CCDC180: variants seen among roughly 807,000 people sequenced by gnomAD.
CCDC180 encodes coiled-coil domain containing 180.
CCDC180 carries 154 observed loss-of-function variants against 209.2 expected under a neutral mutation model. The observed-to-expected ratio is 0.74, with a 90% CI of 0.65 to 0.84. The LOEUF (loss-of-function observed/expected upper bound fraction) is 0.84, where lower values mean the gene tolerates loss of function less well. Among genes scored for constraint, CCDC180 ranks in the 40% least tolerant of loss-of-function variants. The pLI is 0.00. For synonymous variants in CCDC180, 778 were observed against 749.1 expected, an observed-to-expected ratio of 1.04 and a Z score of -0.63; for missense variants, 1,874 against 1,997.3, an observed-to-expected ratio of 0.94 and a Z score of 1.18.
intron 21 of CCDC180, among the ~76,000 whole-genome samples, chr9:97,350,122 A>G (rs1490066566): frequency 6.6e-6 from 1 of 152,030 alleles, no homozygotes; most frequent in Admixed American, 6.5e-5. Context: ...ATAGACTCCC[A>G]GGTTGTCCTC....
At chr9:97,338,742 A>G (rs1695210223) in intron 18 of CCDC180, among the ~76,000 whole-genome samples, 1 of 151,194 alleles carries the variant, frequency 6.6e-6, no homozygotes, top group African/African-American at 2.4e-5. Context: ...TTGTTGATCT[A>G]ATATAGACAG....
chr9:97,370,514 C>T lies in CCDC180; in HGVS notation c.4351-127C>T, dbSNP rs1395276019. ...AACCCCTCTGCCACTCTTCTGCCCACCCATCACCCCCACACACCCAGGTCA... is the reference window on the plus strand; with the variant it reads ...AACCCCTCTGCCACTCTTCTGCCCATCCATCACCCCCACACACCCAGGTCA... On this transcript the variant is annotated intron_variant, in intron 32 of 36. Coordinates refer to ENST00000529487, the MANE Select transcript of CCDC180 (RefSeq NM_020893.6). 5.6e-6 allele frequency: 6 copies of T among 1,071,780 alleles called. No individual in the cohort carries two copies. In the African/African-American group the frequency reaches 6.3e-5, roughly 11 times the overall value. 66.4% of individuals were successfully genotyped at this position (1,071,780 alleles called of 1,614,324 possible).
At position 97,347,407 on chromosome 9, in the gene CCDC180, G is replaced by C. The variant is rs749290598; in HGVS notation, c.2592G>C (p.Leu864=). The change falls in exon 20 of 37, where the codon CTG becomes CTC. Residue 864 remains leucine, a synonymous_variant. Transcript: ENST00000529487. The part of the protein sequence containing the change: ...RVTVATKINE[L]DSELELHLHL... ...CCGTGGCCACCAAAATCAATGAGCT[G>C]GATTCAGAACTGGAGCTGCATCTGC... is the stretch of plus-strand genomic sequence containing the variant. 6.5e-7 allele frequency: 1 copy of C among 1,536,112 alleles called. No homozygotes were observed. Among genetic ancestry groups the C allele is most frequent in the East Asian group, 2.4e-5 (1 of 40,922 alleles).
At position 97,352,312 on chromosome 9, in the gene CCDC180, G is replaced by A. The variant is rs866867849; in HGVS notation, c.3002+1757G>A. 1.6e-4 allele frequency among the ~76,000 whole-genome samples: 25 copies of A among 152,236 alleles called. No individual in the cohort carries two copies. The South Asian group carries it at 3.3e-3, about 20-fold the overall frequency. On this transcript the variant is annotated intron_variant, in intron 22 of 36. Coordinates refer to ENST00000529487, the MANE Select transcript of CCDC180 (RefSeq NM_020893.6). ...GAGATGTAGGAAATTTTAGAGGAAG[G>A]GTAAATGATGTTTAGGGGAGATTAA...
At chr9:97,331,690 T>C (rs1038230252) in intron 18 of CCDC180, among the ~76,000 whole-genome samples, 5 of 148,934 alleles carry the variant, frequency 3.4e-5, no homozygotes, top group Non-Finnish European at 5.9e-5. Context: ...GTTGGCCACA[T>C]GTATGTCTAC....
chr9:97,354,981 G>C lies in CCDC180; in HGVS notation c.3237G>C (p.Thr1079=). 1.2e-6 allele frequency: 2 copies of C among 1,612,650 alleles called. No homozygotes were observed. The highest frequency in any genetic ancestry group is 1.7e-6 in the Non-Finnish European group (2 of 1,178,732). ...TAGAGAAAATCCAGCGGTTGCTGACGAATCTGCAAGTGAAAATCAAGTGCC... is the reference window on the plus strand; with the variant it reads ...TAGAGAAAATCCAGCGGTTGCTGACCAATCTGCAAGTGAAAATCAAGTGCC... ...IFIEKIQRLL[T]NLQVKIKCQV... is the part of the protein sequence containing the mutation. Residue 1079 remains threonine (T), a synonymous_variant, in exon 24 of 37, where the codon ACG becomes ACC. Coordinates refer to ENST00000529487, the MANE Select transcript of CCDC180 (RefSeq NM_020893.6).
chr9:97,324,929 G>A (rs3747499), intron 13 of CCDC180, 90 bp from the exon 14 acceptor site: 249,692 of 1,253,226 alleles, frequency 0.2, 26,844 homozygotes, highest in Admixed American at 0.36. Flanking sequence ...CTGTTCAGTC[G>A]TTAGAGACAG....
Position 97,318,680 on chromosome 9 carries a change from C to T in CCDC180, c.1079+98C>T, listed in dbSNP as rs554120756. 5.4e-6 allele frequency: 8 copies of T among 1,493,062 alleles called. No individual in the cohort carries two copies. In the East Asian group the frequency reaches 1.6e-4, roughly 31 times the overall value. The allele number at this position is 1,493,062 out of a possible 1,614,324, so 92.5% of individuals were successfully genotyped here. ...TCTGTCCCCCAAGGCATCCTTCAGA[C>T]TAAGCAGACCAACTCCCAGCTCTCT... is the stretch of plus-strand genomic sequence containing the variant. On this transcript the variant is annotated intron_variant, in intron 10 of 36. Transcript: ENST00000529487.
At chr9:97,307,601 T>A, upstream of CCDC180, 1 of 778,836 alleles carries the variant, frequency 1.3e-6, no homozygotes, top group Admixed American at 2.1e-5. Flanking sequence ...GAGGGTGGAT[T>A]AGGGTCCCGG....
chr9:97,309,577 G>A lies in CCDC180; in HGVS notation c.233G>A (p.Trp78Ter). ...QKWMHSLPND[W>*]IMENPVLHRE... The stretch of plus-strand genomic sequence containing the variant: ...TGGATGCACAGCCTCCCCAACGACT[G>A]GATCATGGAAAACCCTGTTCTCCAC... Residue 78 changes from tryptophan (W) to a stop codon, truncating the protein, a stop_gained, in exon 3 of 37, where the codon TGG becomes TAG. Coordinates refer to ENST00000529487, the MANE Select transcript of CCDC180 (RefSeq NM_020893.6). LOFTEE classifies it high-confidence loss of function. 6.3e-7 allele frequency: 1 copy of A among 1,587,446 alleles called. No individual in the cohort carries two copies. The highest frequency in any genetic ancestry group is 8.6e-7 in the Non-Finnish European group (1 of 1,168,754).
intron 32 of CCDC180, 122 bp from the exon 33 acceptor site, chr9:97,370,519 C>T: frequency 8.9e-7 from 1 of 1,118,642 alleles, no homozygotes; most frequent in Non-Finnish European, 1.3e-6. Context: ...GCCCACCCAT[C>T]ACCCCCACAC....
At chr9:97,361,459 C>G (rs1017145237) in intron 26 of CCDC180, among the ~76,000 whole-genome samples, 17 of 152,166 alleles carry the variant, frequency 1.1e-4, no homozygotes. Flanking sequence ...GCCTCTTGGC[C>G]CCTGTGTTCC....
chr9:97,374,561 A>G lies in CCDC180; in HGVS notation c.4619A>G (p.Gln1540Arg). The change falls in exon 35 of 37, where the codon CAG (glutamine) becomes CGG (arginine). Residue 1540 changes from glutamine (Q) to arginine (R), a missense_variant. By Grantham distance (43) the Gln-to-Arg change is conservative. Coordinates refer to ENST00000529487, the MANE Select transcript of CCDC180 (RefSeq NM_020893.6). Reference sequence around the variant, plus strand: ...CCTCTAGGGATGGAGCCCCCCAAACAGAAATTATCAATGCTCATACGAAGG... The same window carrying G: ...CCTCTAGGGATGGAGCCCCCCAAACGGAAATTATCAATGCTCATACGAAGG... ...VQVARMEPPK[Q>R]KLSMLIRRKL... is the part of the protein sequence containing the mutation. 1 of 1,613,976 alleles carries G rather than the reference A, an allele frequency of 6.2e-7. No homozygotes were observed. Among genetic ancestry groups the G allele is most frequent in the Non-Finnish European group, 8.5e-7 (1 of 1,179,980 alleles).
Position 97,328,084 on chromosome 9 carries a change from G to T in CCDC180, c.1726G>T (p.Glu576Ter), listed in dbSNP as rs1313201713. 4 of 1,613,982 alleles carry T rather than the reference G, an allele frequency of 2.5e-6. No homozygotes were observed. The highest frequency in any genetic ancestry group is 3.4e-6 in the Non-Finnish European group (4 of 1,179,994). Residue 576 changes from glutamate (E) to a stop codon, truncating the protein, a stop_gained, in exon 16 of 37, where the codon GAA becomes TAA. Transcript: ENST00000529487. LOFTEE classifies it high-confidence loss of function. ...GGAGTACCCAGCGATCATGCTGAAA[G>T]AACTCAACTCCTACAGCTCTGCCCT... Reference protein sequence around the residue: ...VMEYPAIMLKELNSYSSALSQ... With the variant: ...VMEYPAIMLK
At position 97,366,671 on chromosome 9, in the gene CCDC180, CAAATA is replaced by C. The variant is rs1196832009; in HGVS notation, c.4162_4166del (p.Asn1388ValfsTer17). The C allele has an allele frequency of 5.0e-6, 8 of 1,614,062 alleles. No homozygotes were observed. The highest frequency in any genetic ancestry group is 6.8e-6 in the Non-Finnish European group (8 of 1,180,040). On this transcript the variant is annotated frameshift_variant, in exon 31 of 37. Transcript: ENST00000529487. LOFTEE classifies it high-confidence loss of function. The surrounding 1 kb of genome is among the most constrained non-coding windows in gnomAD (Gnocchi z 4.3). ...AAGATCCTGGAGTATCAGAGCCAGG[CAAATA>C]AGTACCACAACTCCTGCCTCATAGG...
At chr9:97,368,077 A>C (rs1256917537) in intron 31 of CCDC180, among the ~76,000 whole-genome samples, 1 of 152,108 alleles carries the variant, frequency 6.6e-6, no homozygotes, top group Non-Finnish European at 1.5e-5. Flanking sequence ...TCTCTGGTAA[A>C]CTCACAACTA....
Position 97,354,773 on chromosome 9 carries a change from C to T in CCDC180, c.3147+60C>T. On this transcript the variant is annotated intron_variant, in intron 23 of 36. Coordinates refer to ENST00000529487, the MANE Select transcript of CCDC180 (RefSeq NM_020893.6). ...TCCACAGTATCCCTTGCTCAACTCCCTCTGAAGGGAGGGCCAAGCCCTCCA... is the reference window on the plus strand; with the variant it reads ...TCCACAGTATCCCTTGCTCAACTCCTTCTGAAGGGAGGGCCAAGCCCTCCA... 3.7e-6 allele frequency: 6 copies of T among 1,606,208 alleles called. No homozygotes were observed. The South Asian group carries it at 6.6e-5, about 18-fold the overall frequency.
chr9:97,320,325 C>G, intron 11 of CCDC180, 120 bp downstream of exon 11: 2 of 946,768 alleles, frequency 2.1e-6, no homozygotes, highest in Non-Finnish European at 3.4e-6. Context: ...GGGGGTGTGG[C>G]AGGAAAAGTG....
chr9:97,345,323 C>T lies in CCDC180; in HGVS notation c.2498+1760C>T, dbSNP rs536883216. 2.6e-5 allele frequency among the ~76,000 whole-genome samples: 4 copies of T among 152,298 alleles called. No homozygotes were observed. The East Asian group carries it at 7.7e-4, about 29-fold the overall frequency. ...TCAAAAGTGGTTTTTAACAGTTTTA[C>T]AGTTTATAACAGCATATGAGAACTT... On this transcript the variant is annotated intron_variant, in intron 19 of 36. Coordinates refer to ENST00000529487, the MANE Select transcript of CCDC180 (RefSeq NM_020893.6).
Sources: allele counts gnomAD v4.1 joint callset (sites outside exome capture counted in the v4.1 genomes callset), GRCh38; gene constraint gnomAD v4.1.1; non-coding constraint Gnocchi (gnomAD v3.1); transcripts MANE v1.5; gene names NCBI Gene and HGNC (gene_info 2026-07-23, HGNC 2026-07-21).